UTRN: variants seen among roughly 807,000 people sequenced by gnomAD.
UTRN encodes the protein utrophin, also known as dystrophin-related protein 1.
UTRN carries 283 observed loss-of-function variants against 463.9 expected under a neutral mutation model. The observed-to-expected ratio is 0.61, with a 90% CI of 0.55 to 0.67. The LOEUF is 0.67. Among genes scored for constraint, UTRN ranks in the 30% least tolerant of loss-of-function variants. UTRN has a pLI of 0.00. For synonymous variants in UTRN, 1,442 were observed against 1,431.5 expected (o/e 1.01, Z -0.17); for missense variants, 3,922 against 4,084.3 (o/e 0.96, Z 1.08).
intron 17 of UTRN, among the ~76,000 whole-genome samples, chr6:144,449,350 C>T (rs1192834252): frequency 6.6e-6 from 1 of 152,172 alleles, no homozygotes; most frequent in Non-Finnish European, 1.5e-5. Context: ...CAGCTCATTT[C>T]CACTTCTCTT....
chr6:144,754,864 T>C (rs1435887283), intron 57 of UTRN, 66 bp downstream of exon 57: 7 of 1,475,706 alleles, frequency 4.7e-6, no homozygotes, highest in Non-Finnish European at 6.6e-6. Flanking sequence ...TCACTTTAAT[T>C]GAAGAAGCCG....
intron 51 of UTRN, among the ~76,000 whole-genome samples, chr6:144,645,057 C>T (rs1467762548): frequency 6.6e-6 from 1 of 152,166 alleles, no homozygotes; most frequent in African/African-American, 2.4e-5. Context: ...TCTTTGCATG[C>T]ACCTGTGGTG....
At chr6:144,436,753 TTA>T (rs1018052891) in intron 10 of UTRN, among the ~76,000 whole-genome samples, 3 of 145,230 alleles carry the variant, frequency 2.1e-5, no homozygotes, top group Non-Finnish European at 4.5e-5. Context: ...GTATTTTATT[TTA>T]TATATATATT....
intron 54 of UTRN, among the ~76,000 whole-genome samples, chr6:144,742,512 G>T (rs1042392961): frequency 6.6e-6 from 1 of 152,212 alleles, no homozygotes; most frequent in Non-Finnish European, 1.5e-5. Flanking sequence ...TAAAGAGAGA[G>T]AGATATTGAG....
chr6:144,347,202 G>A (rs1777660872), intron 2 of UTRN, among the ~76,000 whole-genome samples: 1 of 152,198 alleles, frequency 6.6e-6, no homozygotes, highest in South Asian at 2.1e-4. Context: ...TAGATGGAAG[G>A]GTTAAAAGAT....
intron 43 of UTRN, among the ~76,000 whole-genome samples, chr6:144,535,028 T>A (rs890431717): frequency 6.6e-6 from 1 of 152,190 alleles, no homozygotes; most frequent in African/African-American, 2.4e-5. Context: ...ATCTTATATG[T>A]CATGCTATTC....
chr6:144,840,759 C>G lies in UTRN; in HGVS notation c.10197C>G (p.Ala3399=). 1 of 1,613,886 alleles carries G rather than the reference C, an allele frequency of 6.2e-7. No homozygotes were observed. The highest frequency in any genetic ancestry group is 8.5e-7 in the Non-Finnish European group (1 of 1,179,930). ...TCACAGCGGGAGAGGACCTGCTGGC[C>G]CCACCGCACGACACCAGCACGGATC... The part of the protein sequence containing the change: ...FHQAAGEDLL[A]PPHDTSTDLT... The change falls in exon 73 of 75, where the codon GCC becomes GCG. Residue 3399 remains alanine (A), a synonymous_variant. Transcript: ENST00000367545.
intron 51 of UTRN, among the ~76,000 whole-genome samples, chr6:144,592,834 G>C (rs1803241525): frequency 6.6e-6 from 1 of 152,144 alleles, no homozygotes; most frequent in Admixed American, 6.5e-5. Context: ...TCATAACCCT[G>C]TTATAGAATA....
chr6:144,681,965 AT>A (rs1018687391), intron 52 of UTRN, among the ~76,000 whole-genome samples: 1 of 152,160 alleles, frequency 6.6e-6, no homozygotes, highest in Non-Finnish European at 1.5e-5. Flanking sequence ...CCCCTCAAGC[AT>A]TTATCTTTTG....
At chr6:144,424,109 A>G (rs1398148825) in intron 6 of UTRN, 31 bp downstream of exon 6, 1 of 1,598,908 alleles carries the variant, frequency 6.3e-7, no homozygotes, top group Non-Finnish European at 8.6e-7. Context: ...TTTTTAATAG[A>G]GATGGAAAAT....
In UTRN at chr6:144,781,933, G is replaced by A; in HGVS notation, c.8644G>A (p.Glu2882Lys). 1.2e-6 allele frequency: 2 copies of A among 1,613,588 alleles called. No individual in the cohort carries two copies. The highest frequency in any genetic ancestry group is 2.2e-5 in the South Asian group (2 of 91,006). The part of the protein sequence containing the change: ...LQKALCLDLL[E>K]LSTTNEIFKQ... ...TCTCTCCTGGTTAGTGGATCTCTTA[G>A]AGTTGAGTACAACAAATGAAATTTT... Residue 2882 changes from glutamate (E) to lysine (K), a missense_variant, in exon 61 of 75, where the codon GAG becomes AAG. Coordinates refer to ENST00000367545, the MANE Select transcript of UTRN (RefSeq NM_007124.3).
Position 144,490,109 on chromosome 6 carries a change from AGAG to A in UTRN, c.4177_4179del (p.Glu1393del), listed in dbSNP as rs763523046. ...AGATCTCAGCCCATGAGCTAACCCT[AGAG>A]GAGTTGAGAAGAAATATGCGTTCTC... is the stretch of plus-strand genomic sequence containing the variant. On this transcript the variant is annotated inframe_deletion, in exon 31 of 75. Transcript: ENST00000367545. 1 of 1,613,532 alleles carries A rather than the reference AGAG, an allele frequency of 6.2e-7. No individual in the cohort carries two copies. Among genetic ancestry groups the A allele is most frequent in the South Asian group, 1.1e-5 (1 of 91,058 alleles).
At chr6:144,351,859 A>G (rs1050584810) in intron 2 of UTRN, among the ~76,000 whole-genome samples, 5 of 152,180 alleles carry the variant, frequency 3.3e-5, no homozygotes, top group African/African-American at 1.2e-4. Flanking sequence ...TCACTTGCAC[A>G]TATCGCCAGT....
At chr6:144,832,416 C>G (rs58405794) in intron 69 of UTRN, among the ~76,000 whole-genome samples, 1 of 152,292 alleles carries the variant, frequency 6.6e-6, no homozygotes, top group East Asian at 1.9e-4. Context: ...TCAGCTTCCC[C>G]AGAGAAGTGA....
intron 52 of UTRN, among the ~76,000 whole-genome samples, chr6:144,696,190 G>A (rs1195587751): frequency 2.6e-5 from 4 of 151,642 alleles, no homozygotes; most frequent in Non-Finnish European, 5.9e-5. Flanking sequence ...TAACCATATT[G>A]TGAAACTACT....
At chr6:144,627,540 A>AC (rs148708651) in intron 51 of UTRN, among the ~76,000 whole-genome samples, 4,829 of 152,226 alleles carry the variant, frequency 0.032, 154 homozygotes, top group Non-Finnish European at 0.043. Flanking sequence ...TGCAACTATC[A>AC]CCATTAGCCA....
At position 144,781,892 on chromosome 6, in the gene UTRN, T is replaced by C. The variant is rs372740524; in HGVS notation, c.8633-30T>C. 11 of 1,559,094 alleles carry C rather than the reference T, an allele frequency of 7.1e-6. No homozygotes were observed. The African/African-American group carries it at 1.5e-4, about 21-fold the overall frequency. ...ATGTAATGTAATGTAATGTAATGAC[T>C]GTAAACATTCCTTCTTCTCTCCTGG... On this transcript the variant is annotated intron_variant, in intron 60 of 74. Coordinates refer to ENST00000367545, the MANE Select transcript of UTRN (RefSeq NM_007124.3).
chr6:144,470,921 C>A (rs1272694695), intron 23 of UTRN, among the ~76,000 whole-genome samples: 1 of 151,472 alleles, frequency 6.6e-6, no homozygotes, highest in African/African-American at 2.4e-5. Flanking sequence ...AGGCACTCGG[C>A]AGGCTGAGGC....
intron 2 of UTRN, among the ~76,000 whole-genome samples, chr6:144,309,145 C>G (rs771779125): frequency 6.6e-6 from 1 of 152,212 alleles, no homozygotes; most frequent in South Asian, 2.1e-4. Context: ...ACACCCCACA[C>G]GCTCCTGGTT....
Sources: gnomAD v4.1 joint callset for allele counts (sites outside exome capture counted in the v4.1 genomes callset) on GRCh38, gnomAD v4.1.1 for gene constraint, MANE v1.5 for transcripts, NCBI Gene and HGNC (gene_info 2026-07-23, HGNC 2026-07-21) for gene names.